The following RASA2 variants were observed in gnomAD, a reference collection of about 807,000 sequenced individuals.
The protein encoded by RASA2 is ras GTPase-activating protein 2.
Under a neutral mutation model 118.2 loss-of-function variants are expected in RASA2, and 155 were observed. That is an observed-to-expected ratio of 1.31 (90% CI 1.15 to 1.50). RASA2 has a LOEUF of 1.50. Among genes scored for constraint, RASA2 ranks in the 40% most tolerant of loss-of-function variants. The probability of loss-of-function intolerance (pLI) is 0.00; values close to 1 mark genes in which losing one functional copy is unlikely to be tolerated. For synonymous variants in RASA2, 353 were observed against 349.1 expected, an observed-to-expected ratio of 1.01 and a Z score of -0.12; for missense variants, 1,016 against 1,009.6, an observed-to-expected ratio of 1.01 and a Z score of -0.09.
intron 1 of RASA2, among the ~76,000 whole-genome samples, chr3:141,489,457 G>A (rs1450759775): frequency 1.3e-5 from 2 of 152,194 alleles, no homozygotes; most frequent in African/African-American, 4.8e-5. Flanking sequence ...TGGTGGTTCT[G>A]ACAAGATATT....
intron 4 of RASA2, among the ~76,000 whole-genome samples, chr3:141,537,323 A>G (rs2082342057): frequency 6.6e-6 from 1 of 151,754 alleles, no homozygotes; most frequent in South Asian, 2.1e-4. Context: ...CCTGTCTCCC[A>G]TTTCACCAGT....
intron 19 of RASA2, among the ~76,000 whole-genome samples, chr3:141,592,054 G>C (rs1001735386): frequency 2.6e-5 from 4 of 151,762 alleles, no homozygotes; most frequent in Non-Finnish European, 4.4e-5. Flanking sequence ...TCTTTACTAA[G>C]ACAATAAACA....
intron 3 of RASA2, among the ~76,000 whole-genome samples, chr3:141,519,977 AAAG>A (rs1253971267): frequency 1.3e-5 from 2 of 151,710 alleles, no homozygotes; most frequent in African/African-American, 4.8e-5. Context: ...TAGGTAGGAA[AAAG>A]AAGAACAATT....
intron 5 of RASA2, among the ~76,000 whole-genome samples, chr3:141,546,355 C>T (rs780568970): frequency 5.9e-5 from 9 of 152,162 alleles, no homozygotes; most frequent in South Asian, 2.1e-4. Context: ...ATATTTGTTA[C>T]GCATGTCTTT....
intron 2 of RASA2, among the ~76,000 whole-genome samples, chr3:141,513,828 C>T (rs1290205286): frequency 6.6e-6 from 1 of 152,084 alleles, no homozygotes; most frequent in South Asian, 2.1e-4. Context: ...CATTTCATAG[C>T]GATATTTCTA....
intron 15 of RASA2, among the ~76,000 whole-genome samples, chr3:141,578,981 A>C (rs113311000): frequency 1.1e-4 from 17 of 152,312 alleles, no homozygotes; most frequent in African/African-American, 3.8e-4. Context: ...ATGTTTTCTG[A>C]ATAGACTTAA....
chr3:141,593,343 G>A (rs1200966968), intron 19 of RASA2, among the ~76,000 whole-genome samples: 2 of 152,002 alleles, frequency 1.3e-5, no homozygotes, highest in African/African-American at 2.4e-5. Flanking sequence ...CACTGCGCCC[G>A]GCCTAAGATT....
intron 19 of RASA2, 177 bp downstream of exon 19, chr3:141,586,929 A>T (rs758836407): frequency 4.1e-5 from 27 of 655,288 alleles, no homozygotes; most frequent in Non-Finnish European, 6.7e-5. Flanking sequence ...CATGTATATT[A>T]TGTTTTTCTC....
intron 3 of RASA2, among the ~76,000 whole-genome samples, chr3:141,518,701 C>A (rs1484160294): frequency 6.6e-6 from 1 of 151,544 alleles, no homozygotes; most frequent in Non-Finnish European, 1.5e-5. Context: ...TCATTTTAAT[C>A]AAATAACCTT....
intron 19 of RASA2, among the ~76,000 whole-genome samples, chr3:141,595,195 G>A (rs1190281881): frequency 6.6e-6 from 1 of 152,070 alleles, no homozygotes; most frequent in Non-Finnish European, 1.5e-5. Flanking sequence ...AAGAACAGAG[G>A]AGCAAAAATC....
chr3:141,543,876 C>CTTTTTTTTTT (rs529631210), intron 5 of RASA2, among the ~76,000 whole-genome samples: 82 of 117,296 alleles, frequency 7.0e-4, no homozygotes, highest in Non-Finnish European at 8.2e-4. Flanking sequence ...TTTCTTTTTT[C>CTTTTTTTTTT]TTTTTTTTTT....
chr3:141,572,413 T>G (rs1419105319), intron 11 of RASA2, among the ~76,000 whole-genome samples, 196 bp from the exon 12 acceptor site: 2 of 152,136 alleles, frequency 1.3e-5, no homozygotes, highest in Admixed American at 1.3e-4. Context: ...ATATTTTTGG[T>G]AAGTTTGAAA....
In RASA2 at chr3:141,555,975, C is replaced by A; in HGVS notation, c.684+63C>A. 3.1e-6 allele frequency: 4 copies of A among 1,288,570 alleles called. No individual in the cohort carries two copies. In the East Asian group the frequency reaches 7.6e-5, roughly 24 times the overall value. The allele number at this position is 1,288,570 out of a possible 1,614,324, so 79.8% of individuals were successfully genotyped here. On this transcript the variant is annotated intron_variant, in intron 7 of 23. Transcript: ENST00000286364. The stretch of plus-strand genomic sequence containing the variant: ...TGTAATATTTAATGCTAGTTGATTT[C>A]TTTTTTCAAACCACAGTCATAGTAA...
At chr3:141,534,370 A>G (rs2082298941) in intron 4 of RASA2, among the ~76,000 whole-genome samples, 1 of 152,104 alleles carries the variant, frequency 6.6e-6, no homozygotes, top group South Asian at 2.1e-4. Context: ...CCCCATCTTT[A>G]TAGGGGGGGG....
At chr3:141,534,367 T>G (rs2082298900) in intron 4 of RASA2, among the ~76,000 whole-genome samples, 1 of 152,126 alleles carries the variant, frequency 6.6e-6, no homozygotes, top group South Asian at 2.1e-4. Flanking sequence ...AGACCCCATC[T>G]TTATAGGGGG....
At chr3:141,488,560 TG>T (rs1254196853) in intron 1 of RASA2, among the ~76,000 whole-genome samples, 3 of 152,206 alleles carry the variant, frequency 2.0e-5, no homozygotes, top group Non-Finnish European at 1.5e-5. Context: ...GAGGTAGTCC[TG>T]GGGCTCTTAA....
chr3:141,573,282 T>C (rs2082953667), intron 13 of RASA2, 61 bp downstream of exon 13: 2 of 1,470,230 alleles, frequency 1.4e-6, no homozygotes, highest in Admixed American at 2.7e-5. Flanking sequence ...TGTACCTTTC[T>C]CCCACTTACA....
chr3:141,586,876 GATAC>G (rs1280486089), intron 19 of RASA2, 124 bp downstream of exon 19: 1 of 773,624 alleles, frequency 1.3e-6, no homozygotes. Context: ...TTCTCACACT[GATAC>G]ATACGTACTA....
At chr3:141,537,949 A>G (rs1460920375) in intron 4 of RASA2, among the ~76,000 whole-genome samples, 1 of 152,144 alleles carries the variant, frequency 6.6e-6, no homozygotes, top group Non-Finnish European at 1.5e-5. Flanking sequence ...CCTGAATGGT[A>G]TATTTCCTCT....
Sources: allele counts gnomAD v4.1 joint callset (sites outside exome capture counted in the v4.1 genomes callset), GRCh38; gene constraint gnomAD v4.1.1; transcripts MANE v1.5; gene names NCBI Gene and HGNC (gene_info 2026-07-23, HGNC 2026-07-21).